RIT2: variants seen among roughly 807,000 people sequenced by gnomAD.
The protein encoded by RIT2 is GTP-binding protein Rit2.
In RIT2, 24 loss-of-function variants were observed where a neutral mutation model predicts 23.7. The ratio of observed to expected loss-of-function variants is 1.01; its 90% confidence interval spans 0.73 to 1.43. RIT2 has a LOEUF of 1.43. Among genes scored for constraint, RIT2 ranks in the 40% most tolerant of loss-of-function variants. The probability of loss-of-function intolerance (pLI) is 0.00; values close to 1 mark genes in which losing one functional copy is unlikely to be tolerated. For missense variants in RIT2, 236 were observed against 266.9 expected, an observed-to-expected ratio of 0.88 and a Z score of 0.81; for synonymous variants, 107 against 91.1, an observed-to-expected ratio of 1.17 and a Z score of -0.99.
At chr18:43,106,210 A>G (rs55942204) in intron 1 of RIT2, among the ~76,000 whole-genome samples, 22,758 of 152,250 alleles carry the variant, frequency 0.15, 1,964 homozygotes, top group East Asian at 0.37. Context: ...CATTCATTGC[A>G]GGAAGAAATT....
At chr18:43,092,839 G>A (rs936440276) in intron 1 of RIT2, among the ~76,000 whole-genome samples, 1 of 151,906 alleles carries the variant, frequency 6.6e-6, no homozygotes, top group African/African-American at 2.4e-5. Flanking sequence ...TTCTATAAAC[G>A]GTCTCTTATT....
chr18:42,949,101 T>C (rs1404102352), intron 3 of RIT2: 2 of 397,126 alleles, frequency 5.0e-6, no homozygotes, highest in African/African-American at 2.1e-5. Flanking sequence ...AACTTGGAGC[T>C]CTAATTAGAT....
intron 1 of RIT2, among the ~76,000 whole-genome samples, chr18:43,112,380 C>T (rs1363622414): frequency 6.6e-6 from 1 of 152,136 alleles, no homozygotes; most frequent in Non-Finnish European, 1.5e-5. Context: ...CCCATGCCTG[C>T]CATGCAATGG....
At chr18:43,076,896 G>A (rs113001665) in intron 1 of RIT2, among the ~76,000 whole-genome samples, 2,665 of 151,814 alleles carry the variant, frequency 0.018, 86 homozygotes, top group African/African-American at 0.06. Flanking sequence ...GAGGTCAGGA[G>A]ATCGAGACCA....
At chr18:43,082,474 G>A (rs986157341) in intron 1 of RIT2, among the ~76,000 whole-genome samples, 8 of 152,000 alleles carry the variant, frequency 5.3e-5, no homozygotes, top group Non-Finnish European at 1.2e-4. Flanking sequence ...GATGTGAAAT[G>A]CTCAATAAAA....
intron 1 of RIT2, among the ~76,000 whole-genome samples, chr18:43,071,161 G>A (rs1239144448): frequency 1.3e-5 from 2 of 152,104 alleles, no homozygotes; most frequent in Admixed American, 1.3e-4. Context: ...TAATTGCGAG[G>A]TTTGCTTTAG....
In RIT2 at chr18:43,072,194, G is replaced by A. The variant is rs140571824; in HGVS notation, c.104-38327C>T. On this transcript the variant is annotated intron_variant, in intron 1 of 4. Transcript: ENST00000326695. Reference sequence around the variant, plus strand: ...AGAGACGGGGTTTTACCATGTTGGCGAGGCTGGTCCCAAACTCCTGACCTC... The same window carrying A: ...AGAGACGGGGTTTTACCATGTTGGCAAGGCTGGTCCCAAACTCCTGACCTC... Among the ~76,000 whole-genome samples, 688 of 151,820 alleles carry A rather than the reference G, an allele frequency of 4.5e-3. 6 individuals carry two copies. The highest frequency in any genetic ancestry group is 0.016 in the African/African-American group (659 of 41,426).
chr18:43,086,965 C>T (rs1913297458), intron 1 of RIT2, among the ~76,000 whole-genome samples: 1 of 152,090 alleles, frequency 6.6e-6, no homozygotes, highest in Non-Finnish European at 1.5e-5. Flanking sequence ...AGTAGGTATT[C>T]ATGGCTGGGC....
intron 1 of RIT2, among the ~76,000 whole-genome samples, chr18:43,054,788 A>T (rs575892248): frequency 6.6e-6 from 1 of 152,166 alleles, no homozygotes; most frequent in African/African-American, 2.4e-5. Context: ...AAATTGTTTA[A>T]ATTTGATTAG....
At chr18:42,790,932 C>A (rs7227297) in intron 4 of RIT2, among the ~76,000 whole-genome samples, 49,417 of 151,934 alleles carry the variant, frequency 0.33, 10,753 homozygotes, top group African/African-American at 0.61. Context: ...ACAGAGACAA[C>A]GCCATCAACA....
At chr18:42,962,875 T>C (rs1910124716) in intron 3 of RIT2, among the ~76,000 whole-genome samples, 1 of 152,184 alleles carries the variant, frequency 6.6e-6, no homozygotes, top group South Asian at 2.1e-4. Flanking sequence ...GACAATCCTA[T>C]ATAAAGTGGC....
chr18:43,085,452 C>T (rs920423350), intron 1 of RIT2, among the ~76,000 whole-genome samples: 5 of 152,018 alleles, frequency 3.3e-5, no homozygotes, highest in Non-Finnish European at 7.4e-5. Flanking sequence ...AAAAAGTATT[C>T]CCCTAGTCTA....
intron 4 of RIT2, among the ~76,000 whole-genome samples, chr18:42,875,149 T>C (rs1362030785): frequency 6.6e-6 from 1 of 152,010 alleles, no homozygotes; most frequent in African/African-American, 2.4e-5. Flanking sequence ...CTGCCATTCA[T>C]TTAGTTTCTC....
chr18:42,935,898 T>C (rs1257009489), intron 3 of RIT2, among the ~76,000 whole-genome samples: 1 of 152,034 alleles, frequency 6.6e-6, no homozygotes, highest in Non-Finnish European at 1.5e-5. Flanking sequence ...GGATTTGGCC[T>C]GTGGCCATTT....
chr18:42,805,239 C>G (rs188799372), intron 4 of RIT2, among the ~76,000 whole-genome samples: 1 of 152,148 alleles, frequency 6.6e-6, no homozygotes, highest in Admixed American at 6.5e-5. Context: ...TTTTCTAAAA[C>G]AGAGCAAATT....
At chr18:42,850,662 A>T (rs1907028492) in intron 4 of RIT2, among the ~76,000 whole-genome samples, 1 of 152,214 alleles carries the variant, frequency 6.6e-6, no homozygotes, top group African/African-American at 2.4e-5. Flanking sequence ...AAAATATTTC[A>T]TGAGAGCAAT....
intron 4 of RIT2, among the ~76,000 whole-genome samples, chr18:42,799,820 T>C (rs572972162): frequency 2.6e-5 from 4 of 152,356 alleles, no homozygotes; most frequent in Admixed American, 2.6e-4. Context: ...GCTTTTCTTT[T>C]GACAATCAGG....
chr18:42,930,974 T>C (rs989295130), intron 3 of RIT2, among the ~76,000 whole-genome samples: 2 of 152,136 alleles, frequency 1.3e-5, no homozygotes, highest in Non-Finnish European at 2.9e-5. Context: ...GACAGCTTTC[T>C]TCTAGTTTTG....
chr18:42,837,522 A>G (rs1275993146), intron 4 of RIT2, among the ~76,000 whole-genome samples: 1 of 152,080 alleles, frequency 6.6e-6, no homozygotes, highest in Admixed American at 6.5e-5. Context: ...CATGCTGATC[A>G]TATGCAGTTT....
Sources: allele counts gnomAD v4.1 joint callset (sites outside exome capture counted in the v4.1 genomes callset), GRCh38; gene constraint gnomAD v4.1.1; transcripts MANE v1.5; gene names NCBI Gene and HGNC (gene_info 2026-07-23, HGNC 2026-07-21).